The following GRIP1 variants were observed in gnomAD, a reference collection of about 807,000 sequenced individuals.
The protein encoded by GRIP1 is glutamate receptor interacting protein 1.
In GRIP1, 45 loss-of-function variants were observed where a neutral mutation model predicts 129.9. That is an observed-to-expected ratio of 0.35 (90% confidence interval 0.27 to 0.44). The LOEUF (loss-of-function observed/expected upper bound fraction) is 0.44. Among genes scored for constraint, GRIP1 ranks in the 20% least tolerant of loss-of-function variants. The probability of loss-of-function intolerance (pLI) is 1.00; values close to 1 mark genes in which losing one functional copy is unlikely to be tolerated. For missense variants in GRIP1, 1,196 were observed against 1,396.8 expected (o/e 0.86, Z 2.29); for synonymous variants, 530 against 520.8 (o/e 1.02, Z -0.24).
chr12:66,826,417 G>A (rs900002685), intron 1 of GRIP1, among the ~76,000 whole-genome samples: 2 of 152,046 alleles, frequency 1.3e-5, no homozygotes, highest in Non-Finnish European at 2.9e-5. Flanking sequence ...AAACCTGCAT[G>A]TTCTGCACAT....
At chr12:66,390,271 C>T (rs1038528226) in intron 19 of GRIP1, among the ~76,000 whole-genome samples, 3 of 152,080 alleles carry the variant, frequency 2.0e-5, no homozygotes, top group Non-Finnish European at 4.4e-5. Flanking sequence ...CTCCCATGTT[C>T]GTCACAAGAA....
chr12:66,651,027 C>A (rs906518325), intron 1 of GRIP1, among the ~76,000 whole-genome samples: 1 of 152,192 alleles, frequency 6.6e-6, no homozygotes, highest in Non-Finnish European at 1.5e-5. Context: ...ACAATATGTA[C>A]ATAGTACTAC....
intron 1 of GRIP1, among the ~76,000 whole-genome samples, chr12:67,021,720 C>G (rs1432814436): frequency 3.3e-5 from 5 of 152,026 alleles, no homozygotes; most frequent in African/African-American, 1.2e-4. Context: ...CACTGTGCTA[C>G]AGAACACTAG....
rs80061946 is a variant in GRIP1, at chr12:66,471,500, C to T, written c.725-6078G>A. 1.7e-4 allele frequency among the ~76,000 whole-genome samples: 26 copies of T among 152,292 alleles called. 2 individuals are homozygous for T. The East Asian group carries it at 5.0e-3, about 29-fold the overall frequency. ...AACTCTGTGAATGTACTAAGTGCCA[C>T]TGAATTGTATCTTTAAAATGATTAA... On this transcript the variant is annotated intron_variant, in intron 7 of 24. Transcript: ENST00000359742.
At chr12:66,783,119 C>T (rs1337161034) in intron 1 of GRIP1, among the ~76,000 whole-genome samples, 3 of 152,046 alleles carry the variant, frequency 2.0e-5, no homozygotes, top group Admixed American at 6.6e-5. Context: ...CAACCTCTGC[C>T]TCCCGGGTTC....
intron 1 of GRIP1, among the ~76,000 whole-genome samples, chr12:66,718,480 C>T (rs1484092352): frequency 6.6e-6 from 1 of 152,056 alleles, no homozygotes; most frequent in African/African-American, 2.4e-5. Context: ...ATAGGTATTT[C>T]CATGATCAAT....
At chr12:66,713,677 C>G (rs988661482) in intron 1 of GRIP1, among the ~76,000 whole-genome samples, 2 of 152,046 alleles carry the variant, frequency 1.3e-5, no homozygotes, top group African/African-American at 4.8e-5. Context: ...AAACTACCAA[C>G]CATTCCTTCT....
At chr12:66,878,279 T>C (rs541890398) in intron 1 of GRIP1, among the ~76,000 whole-genome samples, 5 of 151,972 alleles carry the variant, frequency 3.3e-5, no homozygotes, top group Admixed American at 2.0e-4. Context: ...ATAAGAGAGA[T>C]AGTAAGTGCT....
At chr12:66,644,024 G>T (rs1201866877) in intron 1 of GRIP1, among the ~76,000 whole-genome samples, 5 of 152,144 alleles carry the variant, frequency 3.3e-5, no homozygotes, top group Admixed American at 6.5e-5. Context: ...AATCATGGTG[G>T]GAGGCGAAAG....
intron 1 of GRIP1, among the ~76,000 whole-genome samples, chr12:66,998,216 G>T (rs2135671674): frequency 6.6e-6 from 1 of 152,262 alleles, no homozygotes; most frequent in South Asian, 2.1e-4. Context: ...GTGGCTACTG[G>T]TGACTGTACT....
At chr12:66,364,737 T>A (rs899684053) in intron 23 of GRIP1, among the ~76,000 whole-genome samples, 2 of 152,186 alleles carry the variant, frequency 1.3e-5, no homozygotes, top group African/African-American at 4.8e-5. Context: ...AAAAATGAAA[T>A]GAGGATGGTC....
In GRIP1 at chr12:66,445,306, A is replaced by G; in HGVS notation, c.1541+16T>C. On this transcript the variant is annotated intron_variant, in intron 12 of 24. Transcript: ENST00000359742. ...ACGCAGAGCAGAAAATGATGCTGTG[A>G]AAGAAAGTGTCTCACCTCTCTGCTG... 1 of 1,607,582 alleles carries G rather than the reference A, an allele frequency of 6.2e-7. No individual in the cohort carries two copies. The highest frequency in any genetic ancestry group is 1.1e-5 in the South Asian group (1 of 90,922).
intron 2 of GRIP1, among the ~76,000 whole-genome samples, chr12:66,562,854 G>A (rs924473312): frequency 6.7e-6 from 1 of 150,028 alleles, no homozygotes; most frequent in Non-Finnish European, 1.5e-5. Context: ...CACATATTGT[G>A]TATGTTATAT....
chr12:66,673,147 T>G (rs1195212962), intron 1 of GRIP1, among the ~76,000 whole-genome samples: 1 of 152,186 alleles, frequency 6.6e-6, no homozygotes, highest in Non-Finnish European at 1.5e-5. Flanking sequence ...GGGTTCCTCC[T>G]GTCCTCCACT....
chr12:66,494,678 GC>G (rs2060188577), intron 7 of GRIP1, among the ~76,000 whole-genome samples: 1 of 151,950 alleles, frequency 6.6e-6, no homozygotes, highest in Admixed American at 6.6e-5. Flanking sequence ...TTTGAGACCA[GC>G]CTGGGTAACA....
chr12:66,804,516 A>C (rs1202012789), upstream of GRIP1, among the ~76,000 whole-genome samples: 1 of 152,210 alleles, frequency 6.6e-6, no homozygotes, highest in Non-Finnish European at 1.5e-5. Context: ...AAAGCTTTGG[A>C]CTTTAAATAG....
At chr12:66,976,507 T>A (rs1051165256) in intron 1 of GRIP1, among the ~76,000 whole-genome samples, 1 of 152,180 alleles carries the variant, frequency 6.6e-6, no homozygotes, top group African/African-American at 2.4e-5. Flanking sequence ...ACATTTCACC[T>A]CCAAATGCCT....
intron 2 of GRIP1, among the ~76,000 whole-genome samples, chr12:66,570,416 T>C (rs2062921046): frequency 6.6e-6 from 1 of 152,166 alleles, no homozygotes; most frequent in African/African-American, 2.4e-5. Flanking sequence ...GGGCCTCAAC[T>C]GAAATTCTTC....
intron 1 of GRIP1, among the ~76,000 whole-genome samples, chr12:66,897,092 T>C (rs1459656468): frequency 6.6e-6 from 1 of 152,176 alleles, no homozygotes; most frequent in Non-Finnish European, 1.5e-5. Flanking sequence ...TGTGATTCCA[T>C]TTTCTTATCT....
Sources: allele counts gnomAD v4.1 joint callset (sites outside exome capture counted in the v4.1 genomes callset), GRCh38; gene constraint gnomAD v4.1.1; transcripts MANE v1.5; gene names NCBI Gene and HGNC (gene_info 2026-07-23, HGNC 2026-07-21).